The following MTCL1 variants were observed in gnomAD, a reference collection of about 807,000 sequenced individuals.
The protein encoded by MTCL1 is microtubule cross-linking factor 1.
In MTCL1, 79 loss-of-function variants were observed where a neutral mutation model predicts 141.4. The observed-to-expected ratio is 0.56, with a 90% CI of 0.47 to 0.67. The LOEUF (loss-of-function observed/expected upper bound fraction) is 0.67, where lower values mean the gene tolerates loss of function less well. MTCL1 is among the 30% of genes least tolerant of loss of function. The pLI, the probability that MTCL1 is intolerant of heterozygous loss-of-function variation, is 0.00. For missense variants in MTCL1, 2,177 were observed against 2,113.9 expected, an observed-to-expected ratio of 1.03 and a Z score of -0.59; for synonymous variants, 914 against 875.8, an observed-to-expected ratio of 1.04 and a Z score of -0.77.
At chr18:8,717,035 G>C (rs1449411660), upstream of MTCL1, among the ~76,000 whole-genome samples, 2 of 152,184 alleles carry the variant, frequency 1.3e-5, no homozygotes, top group East Asian at 3.9e-4. Context: ...TCTGATGTTA[G>C]TCGCCTTTCT....
chr18:8,825,111 A>G (rs1238196101), exon 15 of MTCL1: 1 of 1,601,168 alleles, frequency 6.2e-7, no homozygotes, highest in Non-Finnish European at 8.5e-7. Context: ...TGCCGTGCGC[A>G]GGGTCGACAG....
intron 4 of MTCL1, among the ~76,000 whole-genome samples, chr18:8,755,789 A>G (rs1252979097): frequency 6.6e-6 from 1 of 152,238 alleles, no homozygotes; most frequent in African/African-American, 2.4e-5. Flanking sequence ...ACAGTAAGTT[A>G]TGAAGCATGA....
chr18:8,778,072 T>G (rs1217452583), intron 5 of MTCL1, 180 bp downstream of exon 4: 2 of 505,720 alleles, frequency 4.0e-6, no homozygotes, highest in African/African-American at 3.9e-5. Flanking sequence ...AACCCACAGC[T>G]CCTCCCTCTT....
At chr18:8,705,588 CCG>C, upstream of MTCL1, 1 of 969,582 alleles carries the variant, frequency 1.0e-6, no homozygotes, top group Non-Finnish European at 1.3e-6. The surrounding 1 kb of genome is among the most constrained non-coding windows in gnomAD (Gnocchi z 5.2). Context: ...AGGCTGCACG[CCG>C]CCGCCGCCGC....
intron 10 of MTCL1, among the ~76,000 whole-genome samples, chr18:8,804,191 A>G (rs1326525255): frequency 6.6e-6 from 1 of 151,952 alleles, no homozygotes; most frequent in Non-Finnish European, 1.5e-5. Context: ...ATGAAGATGT[A>G]TATTTCTGAA....
intron 1 of MTCL1, chr18:8,707,152 G>A (rs534783483): frequency 6.4e-6 from 1 of 155,758 alleles, no homozygotes; most frequent in Non-Finnish European, 1.4e-5. Context: ...GCCACTGGAG[G>A]GCCCCCGGCT....
At chr18:8,710,942 G>A (rs1319255332) in intron 1 of MTCL1, among the ~76,000 whole-genome samples, 4 of 139,860 alleles carry the variant, frequency 2.9e-5, no homozygotes, top group African/African-American at 8.1e-5. Context: ...ACATTGTGCA[G>A]GTTAGTTACA....
At chr18:8,825,984 A>G in exon 15 of MTCL1, 1 of 1,598,928 alleles carries the variant, frequency 6.3e-7, no homozygotes, top group Non-Finnish European at 8.5e-7. Flanking sequence ...TTCCCGAGGA[A>G]GGTCGCCTAG....
intron 1 of MTCL1, among the ~76,000 whole-genome samples, chr18:8,709,648 A>G (rs983724876): frequency 2.0e-5 from 3 of 152,172 alleles, no homozygotes; most frequent in Admixed American, 6.5e-5. Context: ...ACGTTGCTAT[A>G]TTCTGGAGCA....
At chr18:8,796,536 C>A in intron 9 of MTCL1, 74 bp downstream of exon 8, 3 of 1,356,438 alleles carry the variant, frequency 2.2e-6, no homozygotes, top group East Asian at 2.3e-5. Flanking sequence ...TCTCCTCACC[C>A]ACCCTACACA....
exon 7 of MTCL1, chr18:8,785,981 G>GGGGACGAGCGGGAGAGCCTGCGCCTCC: frequency 1.2e-6 from 2 of 1,605,594 alleles, no homozygotes; most frequent in South Asian, 1.1e-5. Flanking sequence ...GCCGGCCCGA[G>GGGGACGAGCGGGAGAGCCTGCGCCTCC]GGGACGAGCG....
At chr18:8,769,487 A>G (rs1432436855) in intron 4 of MTCL1, among the ~76,000 whole-genome samples, 1 of 152,238 alleles carries the variant, frequency 6.6e-6, no homozygotes, top group Non-Finnish European at 1.5e-5. Context: ...GCCAAAACAT[A>G]CCTAGTTTTT....
exon 13 of MTCL1, chr18:8,819,180 A>G: frequency 6.2e-7 from 1 of 1,614,212 alleles, no homozygotes; most frequent in Non-Finnish European, 8.5e-7. Flanking sequence ...CTCTACCTGG[A>G]TGCCTTGTCC....
At chr18:8,826,565 G>T (rs181707287) in intron 15 of MTCL1, among the ~76,000 whole-genome samples, 10 of 152,128 alleles carry the variant, frequency 6.6e-5, no homozygotes, top group Non-Finnish European at 1.5e-4. Flanking sequence ...GTGTGAATTC[G>T]TGCACATGTA....
At chr18:8,727,288 A>G (rs892680266) in intron 4 of MTCL1, among the ~76,000 whole-genome samples, 8 of 152,056 alleles carry the variant, frequency 5.3e-5, no homozygotes, top group African/African-American at 1.7e-4. Context: ...TTTTTAATAT[A>G]ATTTCTTTTG....
chr18:8,750,428 C>G (rs1038534486), intron 4 of MTCL1, among the ~76,000 whole-genome samples: 9 of 152,232 alleles, frequency 5.9e-5, no homozygotes, highest in African/African-American at 1.9e-4. Context: ...GAGGGTGCCC[C>G]TCCTCCAGGG....
At chr18:8,759,435 G>A (rs919245976) in intron 4 of MTCL1, among the ~76,000 whole-genome samples, 13 of 152,170 alleles carry the variant, frequency 8.5e-5, no homozygotes, top group Non-Finnish European at 1.9e-4. Context: ...AGGGTGAAGG[G>A]TTGACTATGA....
intron 4 of MTCL1, among the ~76,000 whole-genome samples, chr18:8,748,085 G>A (rs997043658): frequency 1.3e-5 from 2 of 151,996 alleles, no homozygotes; most frequent in Admixed American, 6.6e-5. Context: ...GCCTCACTTG[G>A]GGCTCTGCAC....
At chr18:8,740,478 G>A (rs1027737033) in intron 4 of MTCL1, among the ~76,000 whole-genome samples, 1 of 152,042 alleles carries the variant, frequency 6.6e-6, no homozygotes, top group Non-Finnish European at 1.5e-5. Flanking sequence ...TTTTATTTTA[G>A]CTTATTAATT....
Sources: gnomAD v4.1 joint callset for allele counts (sites outside exome capture counted in the v4.1 genomes callset) on GRCh38, gnomAD v4.1.1 for gene constraint, Gnocchi (gnomAD v3.1) non-coding constraint, MANE v1.5 for transcripts, NCBI Gene and HGNC (gene_info 2026-07-23, HGNC 2026-07-21) for gene names.